The following TAFA2 variants were observed in gnomAD, a reference collection of about 807,000 sequenced individuals.
TAFA2 encodes TAFA chemokine like family member 2, also known as chemokine-like protein TAFA-2.
TAFA2 carries 7 observed loss-of-function variants against 18.8 expected under a neutral mutation model. That is an observed-to-expected ratio of 0.37 (90% CI 0.21 to 0.70). The LOEUF is 0.70. Among genes scored for constraint, TAFA2 ranks in the 30% least tolerant of loss-of-function variants. The pLI is 0.53. For missense variants in TAFA2, 122 were observed against 158.1 expected (o/e 0.77, Z 1.23); for synonymous variants, 60 against 54.2 (o/e 1.11, Z -0.47).
intron 1 of TAFA2, among the ~76,000 whole-genome samples, chr12:62,216,259 G>A (rs1328794094): frequency 6.6e-6 from 1 of 152,182 alleles, no homozygotes; most frequent in African/African-American, 2.4e-5. Flanking sequence ...GACATGCTTG[G>A]TAATTAGCAG....
chr12:61,910,982 A>C (rs1876586083), intron 1 of TAFA2, among the ~76,000 whole-genome samples: 1 of 152,156 alleles, frequency 6.6e-6, no homozygotes, highest in Non-Finnish European at 1.5e-5. Context: ...CAAAAATAAG[A>C]AGTAATTTGC....
intron 1 of TAFA2, among the ~76,000 whole-genome samples, chr12:62,101,447 T>C (rs185346474): frequency 3.1e-4 from 47 of 152,316 alleles, no homozygotes; most frequent in Admixed American, 1.1e-3. Flanking sequence ...TGCACACTCA[T>C]CATGCAATAC....
chr12:61,893,551 A>G (rs1347282779), intron 1 of TAFA2, among the ~76,000 whole-genome samples: 1 of 152,170 alleles, frequency 6.6e-6, no homozygotes, highest in East Asian at 1.9e-4. Context: ...AAAGCTCATG[A>G]GAGGGAATAA....
intron 1 of TAFA2, among the ~76,000 whole-genome samples, chr12:62,160,017 C>T (rs1261427078): frequency 6.7e-6 from 1 of 148,506 alleles, no homozygotes; most frequent in Admixed American, 7.1e-5. Flanking sequence ...TTTACCCATA[C>T]TCAAGTCATT....
intron 1 of TAFA2, among the ~76,000 whole-genome samples, chr12:61,977,005 G>C (rs1879462130): frequency 6.6e-6 from 1 of 152,164 alleles, no homozygotes; most frequent in East Asian, 1.9e-4. Context: ...TGTCTTTGTA[G>C]TAGCATGATT....
intron 1 of TAFA2, among the ~76,000 whole-genome samples, chr12:61,932,897 T>C (rs1172593122): frequency 1.3e-5 from 2 of 152,188 alleles, no homozygotes; most frequent in Non-Finnish European, 2.9e-5. Flanking sequence ...GAAGATCCAT[T>C]GGAAATTATT....
intron 4 of TAFA2, among the ~76,000 whole-genome samples, chr12:61,732,872 T>A (rs1868249221): frequency 6.6e-6 from 1 of 152,016 alleles, no homozygotes; most frequent in South Asian, 2.1e-4. Context: ...TTAGCTATAT[T>A]GAAATATTCC....
chr12:61,958,181 A>G (rs928811827), intron 1 of TAFA2, among the ~76,000 whole-genome samples: 7 of 152,010 alleles, frequency 4.6e-5, no homozygotes, highest in African/African-American at 1.4e-4. Context: ...TTAATCTTCC[A>G]TTTCTCTCAC....
In TAFA2 at chr12:61,795,536, C is replaced by T. The variant is rs147231097; in HGVS notation, c.107-40512G>A. Among the ~76,000 whole-genome samples, 993 of 151,860 alleles carry T rather than the reference C, an allele frequency of 6.5e-3. 3 individuals are homozygous for T. The highest frequency in any genetic ancestry group is 0.022 in the African/African-American group (895 of 41,404). On this transcript the variant is annotated intron_variant, in intron 2 of 4. Coordinates refer to ENST00000416284, the MANE Select transcript of TAFA2 (RefSeq NM_178539.5). ...ATAGGTGGGAACTGAACAATGAGAA[C>T]GCTTGGACACAGGAAGGGGAACAAC...
At chr12:62,085,342 G>A (rs1868407595) in intron 1 of TAFA2, among the ~76,000 whole-genome samples, 1 of 152,120 alleles carries the variant, frequency 6.6e-6, no homozygotes, top group Admixed American at 6.6e-5. Context: ...TTTATCCCAA[G>A]CTTAGCAGAT....
chr12:61,753,679 A>G lies in TAFA2; in HGVS notation c.327T>C (p.Val109=). The G allele has an allele frequency of 6.2e-7, 1 of 1,612,736 alleles. No individual in the cohort carries two copies. The highest frequency in any genetic ancestry group is 1.3e-5 in the African/African-American group (1 of 74,990). The change falls in exon 4 of 5, where the codon GTT becomes GTC. Residue 109 remains valine (V), a synonymous_variant. Transcript: ENST00000416284. The part of the protein sequence containing the change: ...QPCLEGEECK[V]LPDRKGWSCS... ...AGCTCCATCCTTTCCGATCCGGAAGAACTTTACATTCTTCTCCCTCTAGAC... is the reference window on the plus strand; with the variant it reads ...AGCTCCATCCTTTCCGATCCGGAAGGACTTTACATTCTTCTCCCTCTAGAC...
At chr12:62,220,363 C>T (rs1422809092) in intron 1 of TAFA2, among the ~76,000 whole-genome samples, 1 of 152,006 alleles carries the variant, frequency 6.6e-6, no homozygotes, top group Non-Finnish European at 1.5e-5. Context: ...CACTACACAC[C>T]TGTAAGAATG....
chr12:61,904,442 C>G (rs138524909), intron 1 of TAFA2, among the ~76,000 whole-genome samples: 2 of 152,100 alleles, frequency 1.3e-5, no homozygotes, highest in Non-Finnish European at 2.9e-5. Flanking sequence ...TACATGTTTC[C>G]TTCATGAAAT....
At chr12:61,857,654 A>C (rs1348367905) in intron 2 of TAFA2, among the ~76,000 whole-genome samples, 3 of 152,188 alleles carry the variant, frequency 2.0e-5, no homozygotes, top group Non-Finnish European at 2.9e-5. Context: ...TGGCCTGAAC[A>C]AGACTTTTTC....
intron 3 of TAFA2, among the ~76,000 whole-genome samples, 154 bp from the exon 4 acceptor site, chr12:61,753,900 C>T (rs1043761124): frequency 6.6e-6 from 1 of 151,934 alleles, no homozygotes; most frequent in East Asian, 1.9e-4. Context: ...AAGGACAAAA[C>T]CTTTCAAGAT....
intron 1 of TAFA2, among the ~76,000 whole-genome samples, chr12:61,981,626 G>A (rs7315586): frequency 0.67 from 101,311 of 152,020 alleles, 34,661 homozygotes; most frequent in Non-Finnish European, 0.74. Context: ...AAAACAAACA[G>A]TCCCATCAAA....
chr12:61,847,119 C>T (rs1873439489), intron 2 of TAFA2, among the ~76,000 whole-genome samples: 1 of 152,176 alleles, frequency 6.6e-6, no homozygotes, highest in African/African-American at 2.4e-5. Flanking sequence ...TTACTCACTT[C>T]CTAGTAATTT....
chr12:61,750,923 G>C (rs1868983040), intron 4 of TAFA2, among the ~76,000 whole-genome samples: 1 of 152,036 alleles, frequency 6.6e-6, no homozygotes, highest in Non-Finnish European at 1.5e-5. Context: ...TTCCAATTGT[G>C]GCTGGGACCT....
chr12:61,852,947 T>C (rs1873735682), intron 2 of TAFA2, among the ~76,000 whole-genome samples: 1 of 152,100 alleles, frequency 6.6e-6, no homozygotes, highest in South Asian at 2.1e-4. Context: ...AACCTTTAGC[T>C]GTAGGAAGAA....
Sources: gnomAD v4.1 joint callset for allele counts (sites outside exome capture counted in the v4.1 genomes callset) on GRCh38, gnomAD v4.1.1 for gene constraint, MANE v1.5 for transcripts, NCBI Gene and HGNC (gene_info 2026-07-23, HGNC 2026-07-21) for gene names.